The following PTTG1IP variants were observed in gnomAD, a reference collection of about 807,000 sequenced individuals.
PTTG1IP encodes the protein PTTG1 interacting protein.
In PTTG1IP, 16 loss-of-function variants were observed where a neutral mutation model predicts 24.4. The ratio of observed to expected loss-of-function variants is 0.66; its 90% confidence interval spans 0.44 to 1.00. The LOEUF (loss-of-function observed/expected upper bound fraction) is 1.00, where lower values mean the gene tolerates loss of function less well. Among genes scored for constraint, PTTG1IP ranks in the 50% least tolerant of loss-of-function variants. The probability of loss-of-function intolerance (pLI) is 0.00; values close to 1 mark genes in which losing one functional copy is unlikely to be tolerated. For missense variants in PTTG1IP, 241 were observed against 245.8 expected (o/e 0.98, Z 0.13); for synonymous variants, 89 against 96.8 (o/e 0.92, Z 0.47).
At chr21:44,868,211 G>A (rs184492352) in intron 1 of PTTG1IP, among the ~76,000 whole-genome samples, 2 of 152,210 alleles carry the variant, frequency 1.3e-5, no homozygotes, top group Non-Finnish European at 1.5e-5. Flanking sequence ...CACTGCTGAC[G>A]TTCCCAAGTC....
chr21:44,857,562 G>A lies in PTTG1IP; in HGVS notation c.278-1198C>T, dbSNP rs185738124. ...AAACTCCCCTGGGCAGTAGATTACC[G>A]CATGATTCACTGTTTTTAACTACAG... On this transcript the variant is annotated intron_variant, in intron 3 of 5. Coordinates refer to ENST00000330938, the MANE Select transcript of PTTG1IP (RefSeq NM_004339.4). 2.0e-3 allele frequency among the ~76,000 whole-genome samples: 307 copies of A among 152,298 alleles called. 3 individuals carry two copies. The highest frequency in any genetic ancestry group is 0.014 in the Middle Eastern group (4 of 294).
Position 44,851,601 on chromosome 21 carries a change from C to G in PTTG1IP, c.523G>C (p.Ala175Pro), listed in dbSNP as rs1484650510. ...GCGCTTTAGTTGTTTTCAAATCTAGCATACGGGTTTTCTTCTTTAAACAGG... is the reference window on the plus strand; with the variant it reads ...GCGCTTTAGTTGTTTTCAAATCTAGGATACGGGTTTTCTTCTTTAAACAGG... ...YGLFKEENPY[A>P]RFENN Residue 175 changes from alanine (A) to proline (P), a missense_variant, in exon 6 of 6, where the codon GCT becomes CCT. Coordinates refer to ENST00000330938, the MANE Select transcript of PTTG1IP (RefSeq NM_004339.4). 1 of 1,590,654 alleles carries G rather than the reference C, an allele frequency of 6.3e-7. No individual in the cohort carries two copies. Among genetic ancestry groups the G allele is most frequent in the Non-Finnish European group, 8.6e-7 (1 of 1,160,880 alleles).
intron 1 of PTTG1IP, among the ~76,000 whole-genome samples, chr21:44,867,912 G>A (rs1417555016): frequency 6.6e-6 from 1 of 152,118 alleles, no homozygotes; most frequent in African/African-American, 2.4e-5. Flanking sequence ...CTATTTAACA[G>A]TGTAGTTCTA....
chr21:44,869,102 A>G (rs1024774827), intron 1 of PTTG1IP, among the ~76,000 whole-genome samples: 3 of 152,258 alleles, frequency 2.0e-5, no homozygotes, highest in Admixed American at 2.0e-4. Context: ...AGACCCACTG[A>G]GGGTCCTTCC....
At chr21:44,855,377 T>A in intron 4 of PTTG1IP, 121 bp from the exon 5 acceptor site, 1 of 1,037,844 alleles carries the variant, frequency 9.6e-7, no homozygotes, top group South Asian at 1.3e-5. Flanking sequence ...TTCCCTCCAG[T>A]TCCCAGAGTG....
At chr21:44,862,515 G>A (rs796719917) in intron 2 of PTTG1IP, among the ~76,000 whole-genome samples, 8 of 151,936 alleles carry the variant, frequency 5.3e-5, no homozygotes, top group African/African-American at 1.7e-4. Context: ...GTGAAACTCC[G>A]TCTCAAAAGG....
intron 5 of PTTG1IP, among the ~76,000 whole-genome samples, chr21:44,853,626 C>T (rs535117134): frequency 6.6e-6 from 1 of 152,276 alleles, no homozygotes; most frequent in South Asian, 2.1e-4. Context: ...GCTCCACGTA[C>T]ACAGGCATGC....
Position 44,855,377 on chromosome 21 carries a change from T to C in PTTG1IP, c.450-121A>G, listed in dbSNP as rs572860756. 312 of 1,037,844 alleles carry C rather than the reference T, an allele frequency of 3.0e-4. 2 individuals are homozygous for C. The highest frequency in any genetic ancestry group is 2.7e-3 in the African/African-American group (174 of 63,338). 64.3% of individuals were successfully genotyped at this position (1,037,844 alleles called of 1,614,324 possible). On this transcript the variant is annotated intron_variant, in intron 4 of 5. Coordinates refer to ENST00000330938, the MANE Select transcript of PTTG1IP (RefSeq NM_004339.4). ...GTTTCTTCTGGTGGCTTCCCTCCAG[T>C]TCCCAGAGTGAAACCAGGGTGAGGA...
At chr21:44,856,084 A>G (rs2083447517) in intron 4 of PTTG1IP, 109 bp downstream of exon 4, 3 of 1,600,954 alleles carry the variant, frequency 1.9e-6, no homozygotes, top group Admixed American at 3.4e-5. Flanking sequence ...CACATTCTTA[A>G]TTTCTAAAAA....
intron 5 of PTTG1IP, 109 bp downstream of exon 5, chr21:44,855,101 G>T: frequency 1.7e-6 from 2 of 1,198,456 alleles, no homozygotes; most frequent in Non-Finnish European, 2.4e-6. Flanking sequence ...CTTCTGTTCC[G>T]ATGGGTGAAC....
chr21:44,873,464 C>A (rs2083607410), intron 1 of PTTG1IP, 38 bp downstream of exon 1: 2 of 1,344,892 alleles, frequency 1.5e-6, no homozygotes, highest in Non-Finnish European at 1.9e-6. Context: ...CCAGCCGCCC[C>A]GCCCCCTTCG....
At position 44,851,577 on chromosome 21, in the gene PTTG1IP, C is replaced by G; in HGVS notation, c.*4G>C. 1 of 1,607,084 alleles carries G rather than the reference C, an allele frequency of 6.2e-7. No individual in the cohort carries two copies. Among genetic ancestry groups the G allele is most frequent in the Non-Finnish European group, 8.5e-7 (1 of 1,173,964 alleles). Reference sequence around the variant, plus strand: ...AAGCGTCGGGACTGATGTGCTGGAGCGCTTTAGTTGTTTTCAAATCTAGCA... The same window carrying G: ...AAGCGTCGGGACTGATGTGCTGGAGGGCTTTAGTTGTTTTCAAATCTAGCA... On this transcript the variant is annotated 3_prime_UTR_variant, in exon 6 of 6. Transcript: ENST00000330938.
intron 3 of PTTG1IP, among the ~76,000 whole-genome samples, chr21:44,857,606 C>T (rs2083459016): frequency 6.6e-6 from 1 of 152,244 alleles, no homozygotes; most frequent in Admixed American, 6.5e-5. Flanking sequence ...TGTGCCACCA[C>T]CACAGGTGAC....
chr21:44,862,139 G>A (rs763449973), intron 2 of PTTG1IP, among the ~76,000 whole-genome samples: 10 of 152,234 alleles, frequency 6.6e-5, no homozygotes, highest in South Asian at 4.1e-4. Context: ...AGTACACAAC[G>A]AGGCCCGAAA....
chr21:44,859,442 C>T (rs143787539), intron 3 of PTTG1IP, among the ~76,000 whole-genome samples: 31 of 151,394 alleles, frequency 2.0e-4, no homozygotes, highest in African/African-American at 5.8e-4. Context: ...TAGGCACACA[C>T]GTGTGCATTA....
At chr21:44,861,980 T>G (rs957558073) in intron 2 of PTTG1IP, 6 of 643,704 alleles carry the variant, frequency 9.3e-6, no homozygotes, top group Non-Finnish European at 1.7e-5. Flanking sequence ...CAGCCCGCCC[T>G]AAACTGACAG....
chr21:44,869,057 G>A (rs754547713), intron 1 of PTTG1IP, among the ~76,000 whole-genome samples: 27 of 152,230 alleles, frequency 1.8e-4, no homozygotes, highest in Non-Finnish European at 4.0e-4. Flanking sequence ...TCCTGCCAAA[G>A]CGCACCTGAA....
At chr21:44,869,059 G>A (rs766888679) in intron 1 of PTTG1IP, among the ~76,000 whole-genome samples, 1 of 152,196 alleles carries the variant, frequency 6.6e-6, no homozygotes, top group Non-Finnish European at 1.5e-5. Flanking sequence ...CTGCCAAAGC[G>A]CACCTGAATC....
Position 44,865,591 on chromosome 21 carries a change from G to C in PTTG1IP, c.116-144C>G, listed in dbSNP as rs2083529612. On this transcript the variant is annotated intron_variant, in intron 1 of 5. Transcript: ENST00000330938. ...ATTACCAAATGAAGGTCCTCTTCCT[G>C]AGCCCCTGCTGATAACAAGCCTTCT... is the stretch of plus-strand genomic sequence containing the variant. The C allele has an allele frequency of 8.9e-6, 7 of 783,518 alleles. No individual in the cohort carries two copies. In the Admixed American group the frequency reaches 1.2e-4, roughly 14 times the overall value. The allele number at this position is 783,518 out of a possible 1,614,324, so 48.5% of individuals were successfully genotyped here. A position where few individuals can be genotyped will look rare whatever the true frequency, so the allele number is the denominator to read the frequency against.
Sources: gnomAD v4.1 joint callset for allele counts (sites outside exome capture counted in the v4.1 genomes callset) on GRCh38, gnomAD v4.1.1 for gene constraint, MANE v1.5 for transcripts, NCBI Gene and HGNC (gene_info 2026-07-23, HGNC 2026-07-21) for gene names.